COL4A4: variants seen among roughly 807,000 people sequenced by gnomAD.
COL4A4 encodes collagen alpha-4(IV) chain.
A neutral mutation model predicts 192.9 loss-of-function variants in COL4A4; 105 were observed. The observed-to-expected ratio is 0.54, with a 90% CI of 0.46 to 0.64. The LOEUF (loss-of-function observed/expected upper bound fraction) is 0.64. Ranked by LOEUF, COL4A4 falls within the 30% of genes least tolerant of loss-of-function variation. The pLI is 0.00. For missense variants in COL4A4, 1,967 were observed against 2,169.3 expected, an observed-to-expected ratio of 0.91 and a Z score of 1.85; for synonymous variants, 762 against 769.9, an observed-to-expected ratio of 0.99 and a Z score of 0.17.
intron 44 of COL4A4, among the ~76,000 whole-genome samples, chr2:227,012,928 G>A (rs991834896): frequency 2.0e-5 from 3 of 152,106 alleles, no homozygotes; most frequent in African/African-American, 7.2e-5. Context: ...TGAAGAGACT[G>A]GGGCTCATAA....
At chr2:227,129,657 C>G (rs891956587) in intron 4 of COL4A4, among the ~76,000 whole-genome samples, 1 of 152,146 alleles carries the variant, frequency 6.6e-6, no homozygotes, top group African/African-American at 2.4e-5. Flanking sequence ...GATCCGCCCC[C>G]CTCGGCCTCC....
intron 4 of COL4A4, among the ~76,000 whole-genome samples, chr2:227,135,631 A>C (rs1363410510): frequency 7.3e-6 from 1 of 137,482 alleles, no homozygotes; most frequent in Non-Finnish European, 1.6e-5. Flanking sequence ...AATCCTGTCC[A>C]GGCTGGAATC....
intron 3 of COL4A4, among the ~76,000 whole-genome samples, chr2:227,142,845 G>C (rs1418158212): frequency 1.3e-5 from 2 of 151,392 alleles, no homozygotes; most frequent in Non-Finnish European, 1.5e-5. Context: ...AAATAATATA[G>C]ACACATAATT....
chr2:227,055,648 C>A (rs1371714911), intron 30 of COL4A4, among the ~76,000 whole-genome samples: 11 of 152,020 alleles, frequency 7.2e-5, no homozygotes, highest in Non-Finnish European at 1.0e-4. Context: ...AGAGTGGGGA[C>A]CCCCTCCAAA....
chr2:227,022,269 C>T (rs1403508154), intron 43 of COL4A4, 96 bp from the exon 44 acceptor site: 1 of 1,382,832 alleles, frequency 7.2e-7, no homozygotes, highest in African/African-American at 1.4e-5. Context: ...TGACACTATA[C>T]TGAAATTTAG....
chr2:227,141,392 C>T (rs2063199503), intron 3 of COL4A4, among the ~76,000 whole-genome samples: 1 of 152,076 alleles, frequency 6.6e-6, no homozygotes, highest in Non-Finnish European at 1.5e-5. Flanking sequence ...CCATGGAAGA[C>T]ATATATACAT....
intron 46 of COL4A4, among the ~76,000 whole-genome samples, chr2:227,009,533 A>G (rs1291490473): frequency 6.6e-6 from 1 of 152,102 alleles, no homozygotes; most frequent in Non-Finnish European, 1.5e-5. Flanking sequence ...CCCCAGCTCT[A>G]CTAAAAATAC....
At position 227,007,280 on chromosome 2, in the gene COL4A4, C is replaced by T. The variant is rs201399874; in HGVS notation, c.*45G>A. ...AGCACAGTCTAGGAAGTCTTAGCCCCCTAGGAAGTTTCTCTTGGCCACGTG... is the reference window on the plus strand; with the variant it reads ...AGCACAGTCTAGGAAGTCTTAGCCCTCTAGGAAGTTTCTCTTGGCCACGTG... On this transcript the variant is annotated 3_prime_UTR_variant, in exon 48 of 48. Transcript: ENST00000396625. The T allele has an allele frequency of 6.2e-7, 1 of 1,613,522 alleles. No individual in the cohort carries two copies. The highest frequency in any genetic ancestry group is 2.2e-5 in the East Asian group (1 of 44,876).
rs901101208 is a variant in COL4A4 at position 227,101,492 on chromosome 2, C to T, written c.1029+12G>A. On this transcript the variant is annotated intron_variant, in intron 17 of 47. Coordinates refer to ENST00000396625, the MANE Select transcript of COL4A4 (RefSeq NM_000092.5). ...TTTTATCAGGATATATTAAAATAGG[C>T]TCACTTTTTACCTTTGGGCCAATTA... is the stretch of plus-strand genomic sequence containing the variant. 1.8e-5 allele frequency: 29 copies of T among 1,600,136 alleles called. No individual in the cohort carries two copies. The highest frequency in any genetic ancestry group is 2.4e-5 in the Non-Finnish European group (28 of 1,171,698).
intron 4 of COL4A4, among the ~76,000 whole-genome samples, chr2:227,128,329 A>G (rs1043476828): frequency 6.6e-6 from 1 of 152,324 alleles, no homozygotes; most frequent in South Asian, 2.1e-4. Flanking sequence ...GTCTATCCAG[A>G]TACACTCAAT....
chr2:227,121,457 C>T (rs750640236), intron 4 of COL4A4, among the ~76,000 whole-genome samples: 7 of 149,920 alleles, frequency 4.7e-5, no homozygotes, highest in Admixed American at 6.7e-5. Context: ...CCCAGCTATT[C>T]GGGAGGCTGA....
intron 42 of COL4A4, among the ~76,000 whole-genome samples, 194 bp from the exon 43 acceptor site, chr2:227,026,004 A>T (rs1433741458): frequency 6.6e-6 from 1 of 152,106 alleles, no homozygotes; most frequent in Non-Finnish European, 1.5e-5. Flanking sequence ...GACTGACAGG[A>T]GCAGCTATGA....
Position 227,098,753 on chromosome 2 carries a change from C to G in COL4A4, c.1145G>C (p.Gly382Ala), listed in dbSNP as rs751952236. ...TGGGGGACCAGGTGGTCCAACATCCCCTGTTTCTCCATAGCGGCCAGGGAA... is the reference window on the plus strand; with the variant it reads ...TGGGGGACCAGGTGGTCCAACATCCGCTGTTTCTCCATAGCGGCCAGGGAA... ...PGFPGRYGET[G>A]DVGPPGPPGL... The change falls in exon 19 of 48, where the codon GGG (glycine) becomes GCG (alanine). Residue 382 changes from glycine to alanine, a missense_variant. By Grantham distance (60) the Gly-to-Ala change is moderately conservative. Transcript: ENST00000396625. 8.1e-6 allele frequency: 13 copies of G among 1,613,928 alleles called. No homozygotes were observed. Among genetic ancestry groups the G allele is most frequent in the Non-Finnish European group, 1.0e-5 (12 of 1,179,978 alleles).
intron 35 of COL4A4, among the ~76,000 whole-genome samples, chr2:227,046,796 C>G (rs532787135): frequency 1.3e-5 from 2 of 152,136 alleles, no homozygotes; most frequent in African/African-American, 2.4e-5. Flanking sequence ...CTGGCACCCC[C>G]CTTCTGCTGT....
chr2:227,090,851 AG>A (rs2059879719), intron 20 of COL4A4, among the ~76,000 whole-genome samples: 1 of 151,046 alleles, frequency 6.6e-6, no homozygotes, highest in Non-Finnish European at 1.5e-5. Flanking sequence ...GCAACAACCA[AG>A]TAAAAGAACT....
At chr2:227,015,428 G>T (rs1387375565) in intron 44 of COL4A4, among the ~76,000 whole-genome samples, 1 of 152,074 alleles carries the variant, frequency 6.6e-6, no homozygotes, top group Non-Finnish European at 1.5e-5. Flanking sequence ...GTCTGGGGGG[G>T]ACCTCAGCGA....
At position 227,062,521 on chromosome 2, in the gene COL4A4, T is replaced by C; in HGVS notation, c.2056+9A>G. On this transcript the variant is annotated intron_variant, in intron 26 of 47. Transcript: ENST00000396625. Reference sequence around the variant, plus strand: ...AGTATATAAGACAGTAACTTCTCATTGATAATACCTGGAGGTCCATCAAAA... The same window carrying C: ...AGTATATAAGACAGTAACTTCTCATCGATAATACCTGGAGGTCCATCAAAA... 1 of 1,568,518 alleles carries C rather than the reference T, an allele frequency of 6.4e-7. No homozygotes were observed. Among genetic ancestry groups the C allele is most frequent in the Non-Finnish European group, 8.8e-7 (1 of 1,138,650 alleles).
Position 227,018,676 on chromosome 2 carries a change from A to G in COL4A4, c.4216+3372T>C, listed in dbSNP as rs937387109. Among the ~76,000 whole-genome samples, 16 of 152,288 alleles carry G rather than the reference A, an allele frequency of 1.1e-4. No homozygotes were observed. In the South Asian group the frequency reaches 3.3e-3, roughly 32 times the overall value. On this transcript the variant is annotated intron_variant, in intron 44 of 47. Coordinates refer to ENST00000396625, the MANE Select transcript of COL4A4 (RefSeq NM_000092.5). The stretch of plus-strand genomic sequence containing the variant: ...CCAGAACGACGGGGCACTTTTTAAA[A>G]AACATCATAATCATGTAGGTGTTAG...
intron 7 of COL4A4, among the ~76,000 whole-genome samples, chr2:227,115,269 C>CT (rs1187419564): frequency 0.046 from 5,683 of 123,868 alleles, 492 homozygotes; most frequent in African/African-American, 0.14. Context: ...TACTTTAATT[C>CT]TTTTTTTTTT....
Sources: allele counts gnomAD v4.1 joint callset (sites outside exome capture counted in the v4.1 genomes callset), GRCh38; gene constraint gnomAD v4.1.1; transcripts MANE v1.5; gene names NCBI Gene and HGNC (gene_info 2026-07-23, HGNC 2026-07-21).